The following GALNT18 variants were observed in gnomAD, a reference collection of about 807,000 sequenced individuals.
GALNT18 encodes the protein polypeptide N-acetylgalactosaminyltransferase 18.
In GALNT18, 44 loss-of-function variants were observed where a neutral mutation model predicts 69.5. The ratio of observed to expected loss-of-function variants is 0.63; its 90% CI spans 0.50 to 0.81. GALNT18 has a LOEUF of 0.81. GALNT18 is among the 40% of genes least tolerant of loss of function. GALNT18 has a pLI of 0.00. For missense variants in GALNT18, 715 were observed against 810.0 expected (o/e 0.88, Z 1.42); for synonymous variants, 364 against 318.2 (o/e 1.14, Z -1.53).
intron 9 of GALNT18, among the ~76,000 whole-genome samples, chr11:11,300,335 A>C (rs990793711): frequency 2.0e-5 from 3 of 152,020 alleles, no homozygotes; most frequent in Non-Finnish European, 4.4e-5. Flanking sequence ...GGGCCTAGAG[A>C]GTGGTGAGGG....
intron 9 of GALNT18, among the ~76,000 whole-genome samples, chr11:11,298,149 T>A (rs1351292114): frequency 6.6e-6 from 1 of 152,176 alleles, no homozygotes; most frequent in Non-Finnish European, 1.5e-5. Flanking sequence ...TCCTGCAGGA[T>A]ACCCTGGTCT....
chr11:11,491,670 T>G (rs1856772411), intron 1 of GALNT18, among the ~76,000 whole-genome samples: 1 of 152,198 alleles, frequency 6.6e-6, no homozygotes, highest in Non-Finnish European at 1.5e-5. Context: ...GCATATTCAT[T>G]TAATCATTCA....
intron 1 of GALNT18, among the ~76,000 whole-genome samples, chr11:11,566,226 G>A (rs574061247): frequency 6.6e-6 from 1 of 152,318 alleles, no homozygotes; most frequent in Admixed American, 6.5e-5. Context: ...TAGACTTTGA[G>A]GAATATACAG....
rs1446124874 is a variant in GALNT18, at chr11:11,394,283, A to G, written c.596-15019T>C. Reference sequence around the variant, plus strand: ...CATCACAGGTAGAAAAACAGAATGCATAAAGGCTAGAAGCATGAATGTGCA... The same window carrying G: ...CATCACAGGTAGAAAAACAGAATGCGTAAAGGCTAGAAGCATGAATGTGCA... On this transcript the variant is annotated intron_variant, in intron 3 of 10. Transcript: ENST00000227756. 2.0e-5 allele frequency among the ~76,000 whole-genome samples: 3 copies of G among 152,358 alleles called. No individual in the cohort carries two copies. In the East Asian group the frequency reaches 5.8e-4, roughly 29 times the overall value.
chr11:11,352,160 C>T (rs893124948), intron 6 of GALNT18: 3 of 1,613,630 alleles, frequency 1.9e-6, no homozygotes, highest in Admixed American at 1.7e-5. Context: ...AATAGGGGTG[C>T]TCCATGGCCT....
At chr11:11,363,742 C>T (rs973724034) in intron 6 of GALNT18, among the ~76,000 whole-genome samples, 5 of 152,180 alleles carry the variant, frequency 3.3e-5, no homozygotes, top group Non-Finnish European at 5.9e-5. Flanking sequence ...AACCCAGTAG[C>T]AATGAGCATG....
At chr11:11,277,763 G>C (rs139644027) in intron 10 of GALNT18, among the ~76,000 whole-genome samples, 148 of 152,260 alleles carry the variant, frequency 9.7e-4, no homozygotes, top group Non-Finnish European at 1.8e-3. Context: ...TATTTACCCA[G>C]TAGTAACTTA....
In GALNT18 at chr11:11,459,389, T is replaced by C. The variant is rs1402977115; in HGVS notation, c.236-10453A>G. Among the ~76,000 whole-genome samples the C allele has an allele frequency of 1.3e-5, 2 of 152,166 alleles. No homozygotes were observed. Among genetic ancestry groups the C allele is most frequent in the African/African-American group, 4.8e-5 (2 of 41,426 alleles). ...ATTAAAATCCTCTGTGCGAGGACTT[T>C]ATTCAGCATGGCAAAGGAAATCTAG... On this transcript the variant is annotated intron_variant, in intron 1 of 10. Coordinates refer to ENST00000227756, the MANE Select transcript of GALNT18 (RefSeq NM_198516.3). This position sits in a 1 kb window ranked among gnomAD's most constrained non-coding sequence, Gnocchi z 5.0.
At chr11:11,317,597 G>T (rs1180385239) in intron 9 of GALNT18, among the ~76,000 whole-genome samples, 1 of 152,116 alleles carries the variant, frequency 6.6e-6, no homozygotes, top group African/African-American at 2.4e-5. Context: ...GTTTTTGCTT[G>T]TTGAGTTGTT....
chr11:11,272,568 C>T (rs4909976), intron 10 of GALNT18, among the ~76,000 whole-genome samples: 59,668 of 151,830 alleles, frequency 0.39, 11,987 homozygotes, highest in Non-Finnish European at 0.45. Flanking sequence ...CACATCAAAT[C>T]CCTTGTACTT....
At chr11:11,328,876 G>C (rs1849971700) in intron 8 of GALNT18, among the ~76,000 whole-genome samples, 1 of 152,192 alleles carries the variant, frequency 6.6e-6, no homozygotes, top group Non-Finnish European at 1.5e-5. Flanking sequence ...GGAAGGCCTG[G>C]AGAGCCCTGA....
intron 1 of GALNT18, among the ~76,000 whole-genome samples, chr11:11,457,451 G>A (rs1348585350): frequency 6.6e-6 from 1 of 152,216 alleles, no homozygotes; most frequent in Non-Finnish European, 1.5e-5. Flanking sequence ...CAAGAATCTA[G>A]CACTCATATC....
chr11:11,423,113 CACAG>C (rs1219061049), intron 3 of GALNT18, among the ~76,000 whole-genome samples: 3 of 152,222 alleles, frequency 2.0e-5, no homozygotes, highest in African/African-American at 4.8e-5. Context: ...CACACTCACA[CACAG>C]ACACACAATA....
rs546000179 is a variant in GALNT18, at chr11:11,317,288, C to T, written c.1512+9798G>A. The stretch of plus-strand genomic sequence containing the variant: ...TAAATGGCACTGAAGCACAGTCTCT[C>T]AAAAGGTTTAAACACAGATGTGAAA... On this transcript the variant is annotated intron_variant, in intron 9 of 10. Coordinates refer to ENST00000227756, the MANE Select transcript of GALNT18 (RefSeq NM_198516.3). 2.0e-5 allele frequency among the ~76,000 whole-genome samples: 3 copies of T among 152,284 alleles called. No individual in the cohort carries two copies. In the South Asian group the frequency reaches 6.2e-4, roughly 32 times the overall value.
At chr11:11,561,389 A>G (rs1858502255) in intron 1 of GALNT18, among the ~76,000 whole-genome samples, 1 of 152,002 alleles carries the variant, frequency 6.6e-6, no homozygotes, top group Non-Finnish European at 1.5e-5. Context: ...GTGAAATCAT[A>G]TAATTTTGGA....
chr11:11,349,030 T>TA (rs11433110), intron 6 of GALNT18, among the ~76,000 whole-genome samples: 15 of 152,082 alleles, frequency 9.9e-5, no homozygotes, highest in African/African-American at 3.1e-4. Context: ...TGAATTTTTT[T>TA]AATAATTTCC....
rs1303745576 is a variant in GALNT18 at position 11,469,079 on chromosome 11, C to T, written c.236-20143G>A. On this transcript the variant is annotated intron_variant, in intron 1 of 10. Transcript: ENST00000227756. The surrounding 1 kb of genome is among the most constrained non-coding windows in gnomAD (Gnocchi z 4.2). ...ACCACTGCCTCTTGAGATGAGGCCACCAGGACACAGCACTCTTTAACCACG... is the reference window on the plus strand; with the variant it reads ...ACCACTGCCTCTTGAGATGAGGCCATCAGGACACAGCACTCTTTAACCACG... Among the ~76,000 whole-genome samples the T allele has an allele frequency of 6.6e-6, 1 of 152,178 alleles. No individual in the cohort carries two copies. Among genetic ancestry groups the T allele is most frequent in the Non-Finnish European group, 1.5e-5 (1 of 68,034 alleles).
chr11:11,362,260 G>A (rs545899802), intron 6 of GALNT18, among the ~76,000 whole-genome samples: 106 of 152,118 alleles, frequency 7.0e-4, no homozygotes, highest in Non-Finnish European at 1.3e-3. Flanking sequence ...TTTATAACCT[G>A]AGAGTGGGTA....
At position 11,332,345 on chromosome 11, in the gene GALNT18, C is replaced by A. The variant is rs1438112712; in HGVS notation, c.1416+349G>T. ...GGAGGCACACAGGGTGACTCATAGA[C>A]CCTCAGGCACCCCAGCTGGGAGAAC... On this transcript the variant is annotated intron_variant, in intron 8 of 10. Transcript: ENST00000227756. This position sits in a 1 kb window ranked among gnomAD's most constrained non-coding sequence, Gnocchi z 4.3. 1.3e-5 allele frequency among the ~76,000 whole-genome samples: 2 copies of A among 152,206 alleles called. No homozygotes were observed. The highest frequency in any genetic ancestry group is 2.9e-5 in the Non-Finnish European group (2 of 68,034).
Sources: gnomAD v4.1 joint callset for allele counts (sites outside exome capture counted in the v4.1 genomes callset) on GRCh38, gnomAD v4.1.1 for gene constraint, Gnocchi (gnomAD v3.1) non-coding constraint, MANE v1.5 for transcripts, NCBI Gene and HGNC (gene_info 2026-07-23, HGNC 2026-07-21) for gene names.